Variants in PLAGL1 observed in about 807,000 individuals in gnomAD.
PLAGL1 encodes zinc finger protein PLAGL1.
In PLAGL1, 1 loss-of-function variant was observed where a neutral mutation model predicts 4.6. The ratio of observed to expected loss-of-function variants is 0.22; its 90% CI spans 0.08 to 1.03. PLAGL1 has a LOEUF of 1.03. Among genes scored for constraint, PLAGL1 ranks in the 50% least tolerant of loss-of-function variants. PLAGL1 has a pLI of 0.58. For synonymous variants in PLAGL1, 240 were observed against 237.8 expected (o/e 1.01, Z -0.08); for missense variants, 464 against 570.4 (o/e 0.81, Z 1.90).
At chr6:143,976,556 T>A (rs1286388144) in intron 2 of PLAGL1, among the ~76,000 whole-genome samples, 1 of 152,118 alleles carries the variant, frequency 6.6e-6, no homozygotes, top group Non-Finnish European at 1.5e-5. Flanking sequence ...ATACAACACA[T>A]CACTTGAAAT....
Position 143,959,563 on chromosome 6 carries a change from G to A in PLAGL1, c.-325+906C>T, listed in dbSNP as rs934872204. Among the ~76,000 whole-genome samples, 4 of 152,036 alleles carry A rather than the reference G, an allele frequency of 2.6e-5. No homozygotes were observed. The highest frequency in any genetic ancestry group is 7.3e-5 in the African/African-American group (3 of 41,372). ...ACAATATTGTATTTCAGTAGGAGTC[G>A]GAATACTATTTAATAAACTATTTCA... On this transcript the variant is annotated intron_variant, in intron 6 of 7. Transcript: ENST00000674357. The surrounding 1 kb of genome is among the most constrained non-coding windows in gnomAD (Gnocchi z 5.3).
rs1403340891 is a variant in PLAGL1 at position 143,985,158 on chromosome 6, A to G, written c.-567T>C. On this transcript the variant is annotated 5_prime_UTR_variant, in exon 2 of 8. Transcript: ENST00000674357. This position sits in a 1 kb window ranked among gnomAD's most constrained non-coding sequence, Gnocchi z 4.4. Reference sequence around the variant, plus strand: ...ACAAAAGCCAATCACGATGTTTATGAATCAGGCAGGAACAATCTGCAAACA... The same window carrying G: ...ACAAAAGCCAATCACGATGTTTATGGATCAGGCAGGAACAATCTGCAAACA... 1 of 152,218 alleles carries G rather than the reference A, an allele frequency of 6.6e-6. No homozygotes were observed. The highest frequency in any genetic ancestry group is 1.5e-5 in the Non-Finnish European group (1 of 68,024). 9.4% of individuals were successfully genotyped at this position (152,218 alleles called of 1,614,324 possible).
At position 143,995,386 on chromosome 6, in the gene PLAGL1, G is replaced by T. The variant is rs12525433; in HGVS notation, c.-583-10212C>A. Among the ~76,000 whole-genome samples the T allele has an allele frequency of 0.13, 19,409 of 152,020 alleles. 1,415 individuals are homozygous for T. The highest frequency in any genetic ancestry group is 0.16 in the Non-Finnish European group (10,752 of 67,954). On this transcript the variant is annotated intron_variant, in intron 1 of 7. Coordinates refer to ENST00000674357, the MANE Select transcript of PLAGL1 (RefSeq NM_001317162.2). The surrounding 1 kb of genome is among the most constrained non-coding windows in gnomAD (Gnocchi z 4.4). ...GTTTTGTTGTTATGGTTTTTTGGGGGTTTTTTTGCTTTGCTTTGGAAAGGG... is the reference window on the plus strand; with the variant it reads ...GTTTTGTTGTTATGGTTTTTTGGGGTTTTTTTTGCTTTGCTTTGGAAAGGG...
intron 1 of PLAGL1, among the ~76,000 whole-genome samples, chr6:143,998,523 T>A (rs1254303466): frequency 1.3e-5 from 2 of 152,232 alleles, no homozygotes; most frequent in East Asian, 3.8e-4. Context: ...AGCACAATTA[T>A]AGTAGGTACT....
At position 144,005,836 on chromosome 6, in the gene PLAGL1, T is replaced by C. The variant is rs1361174511; in HGVS notation, c.-584+2254A>G. 1 of 151,932 alleles carries C rather than the reference T, an allele frequency of 6.6e-6. No homozygotes were observed. The highest frequency in any genetic ancestry group is 1.5e-5 in the Non-Finnish European group (1 of 67,938). The allele number at this position is 151,932 out of a possible 1,614,324, so 9.4% of individuals were successfully genotyped here. A position where few individuals can be genotyped will look rare whatever the true frequency, so the allele number is the denominator to read the frequency against. ...ATATGAGGCTATTGAGCACTAAAAA[T>C]GTGGCCTGAAAGAACTGAGGAACAG... On this transcript the variant is annotated intron_variant, in intron 1 of 7. Coordinates refer to ENST00000674357, the MANE Select transcript of PLAGL1 (RefSeq NM_001317162.2). This position sits in a 1 kb window ranked among gnomAD's most constrained non-coding sequence, Gnocchi z 4.6.
chr6:143,944,302 G>C (rs1040042560), intron 7 of PLAGL1, among the ~76,000 whole-genome samples: 5 of 152,110 alleles, frequency 3.3e-5, no homozygotes, highest in African/African-American at 1.2e-4. Context: ...GCCAGAATTG[G>C]GGAGGGGTCT....
At position 143,949,687 on chromosome 6, in the gene PLAGL1, C is replaced by T. The variant is rs1178572613; in HGVS notation, c.-324-1227G>A. ...GAGTACTGTATGCTTAGGTGAAGTA[C>T]ACTTGAGTAGCTTTTGTCCACAGGC... On this transcript the variant is annotated intron_variant, in intron 6 of 7. Transcript: ENST00000674357. The surrounding 1 kb of genome is among the most constrained non-coding windows in gnomAD (Gnocchi z 5.3). 6.6e-6 allele frequency among the ~76,000 whole-genome samples: 1 copy of T among 152,152 alleles called. No homozygotes were observed. The highest frequency in any genetic ancestry group is 1.5e-5 in the Non-Finnish European group (1 of 68,040).
Position 143,977,667 on chromosome 6 carries a change from T to C in PLAGL1, c.-544+7468A>G, listed in dbSNP as rs145708501. Among the ~76,000 whole-genome samples the C allele has an allele frequency of 7.4e-3, 1,119 of 151,884 alleles. 8 individuals are homozygous for C. The highest frequency in any genetic ancestry group is 0.012 in the Non-Finnish European group (833 of 67,918). ...GGCGCCCACCATCATGCCAGGCTAA[T>C]TTTTGTATTTTTAGTAGAGACACAG... On this transcript the variant is annotated intron_variant, in intron 2 of 7. Transcript: ENST00000674357.
rs962210395 is a variant in PLAGL1, at chr6:144,016,207, G to C, written c.-150-47229C>G. ...CAATAGGCTGTCTGCAAGCTGAGGA[G>C]AAAGGAGAGCCAGTCCGAGTCCCAA... On this transcript the variant is annotated intron_variant, in intron 1 of 3. Coordinates refer to the PLAGL1 transcript ENST00000437412. The surrounding 1 kb of genome is among the most constrained non-coding windows in gnomAD (Gnocchi z 4.2). 6.6e-6 allele frequency among the ~76,000 whole-genome samples: 1 copy of C among 152,146 alleles called. No individual in the cohort carries two copies. Among genetic ancestry groups the C allele is most frequent in the East Asian group, 1.9e-4 (1 of 5,190 alleles).
intron 1 of PLAGL1, among the ~76,000 whole-genome samples, chr6:143,993,027 G>A (rs912721929): frequency 6.0e-5 from 9 of 149,858 alleles, no homozygotes; most frequent in African/African-American, 2.2e-4. Flanking sequence ...AACAGAAAAC[G>A]GCCGGGTGCG....
intron 1 of PLAGL1, among the ~76,000 whole-genome samples, chr6:144,024,317 T>G (rs1030480192): frequency 6.6e-6 from 1 of 152,160 alleles, no homozygotes; most frequent in Admixed American, 6.5e-5. Context: ...ATACAAGATG[T>G]ACCTTGATGA....
chr6:143,987,051 C>T (rs1045303116), intron 1 of PLAGL1, among the ~76,000 whole-genome samples: 9 of 152,014 alleles, frequency 5.9e-5, no homozygotes, highest in African/African-American at 1.4e-4. Flanking sequence ...TTCATTACTT[C>T]GTTAACACTG....
chr6:144,045,416 A>C (rs1207653749), intron 1 of PLAGL1, among the ~76,000 whole-genome samples: 1 of 152,132 alleles, frequency 6.6e-6, no homozygotes, highest in Non-Finnish European at 1.5e-5. Flanking sequence ...CTTGTCTGTA[A>C]AGGATTTTAT....
At chr6:144,031,388 T>C (rs549162257) in intron 1 of PLAGL1, among the ~76,000 whole-genome samples, 1 of 152,330 alleles carries the variant, frequency 6.6e-6, no homozygotes, top group South Asian at 2.1e-4. Context: ...TTTTTGTTGC[T>C]TTTGCTCTTG....
At position 143,964,364 on chromosome 6, in the gene PLAGL1, G is replaced by C. The variant is rs1365803911; in HGVS notation, c.-399+423C>G. ...AGGCCATGAAAATCTCCAGGTCCTAGGACACACTCCATGGGGGAAGGGGAA... is the reference window on the plus strand; with the variant it reads ...AGGCCATGAAAATCTCCAGGTCCTACGACACACTCCATGGGGGAAGGGGAA... On this transcript the variant is annotated intron_variant, in intron 5 of 7. Coordinates refer to ENST00000674357, the MANE Select transcript of PLAGL1 (RefSeq NM_001317162.2). The surrounding 1 kb of genome is among the most constrained non-coding windows in gnomAD (Gnocchi z 4.3). Among the ~76,000 whole-genome samples, 1 of 152,142 alleles carries C rather than the reference G, an allele frequency of 6.6e-6. No homozygotes were observed. The highest frequency in any genetic ancestry group is 1.5e-5 in the Non-Finnish European group (1 of 68,036).
In PLAGL1 at chr6:143,975,394, C is replaced by G. The variant is rs76773972; in HGVS notation, c.-543-6416G>C. Reference sequence around the variant, plus strand: ...TAAGCAATTAACAATATTTTTGGAACCTTAGTTTCCCTATTTGTAAAAGAG... The same window carrying G: ...TAAGCAATTAACAATATTTTTGGAAGCTTAGTTTCCCTATTTGTAAAAGAG... On this transcript the variant is annotated intron_variant, in intron 2 of 7. Transcript: ENST00000674357. This position sits in a 1 kb window ranked among gnomAD's most constrained non-coding sequence, Gnocchi z 5.8. 1.3e-5 allele frequency among the ~76,000 whole-genome samples: 2 copies of G among 151,990 alleles called. No homozygotes were observed. Among genetic ancestry groups the G allele is most frequent in the South Asian group, 4.1e-4 (2 of 4,828 alleles).
At position 144,056,509 on chromosome 6, in the gene PLAGL1, G is replaced by A. The variant is rs1202830122; in HGVS notation, c.-151+7959C>T. On this transcript the variant is annotated intron_variant, in intron 1 of 3. Coordinates refer to the PLAGL1 transcript ENST00000437412. This position sits in a 1 kb window ranked among gnomAD's most constrained non-coding sequence, Gnocchi z 4.7. ...TCTATTTAACCCTCTTTCACCCCTAGCCCTTGACAGCCACTGATCTTTTTA... is the reference window on the plus strand; with the variant it reads ...TCTATTTAACCCTCTTTCACCCCTAACCCTTGACAGCCACTGATCTTTTTA... 6.6e-6 allele frequency among the ~76,000 whole-genome samples: 1 copy of A among 152,106 alleles called. No homozygotes were observed. The highest frequency in any genetic ancestry group is 1.5e-5 in the Non-Finnish European group (1 of 68,014).
intron 7 of PLAGL1, among the ~76,000 whole-genome samples, chr6:143,944,136 T>G (rs1394980866): frequency 1.3e-5 from 2 of 152,236 alleles, no homozygotes; most frequent in Non-Finnish European, 2.9e-5. Flanking sequence ...TTGTACCCTG[T>G]GAGCTTTCAC....
rs972209995 is a variant in PLAGL1, at chr6:143,964,255, G to A, written c.-399+532C>T. 6.6e-6 allele frequency among the ~76,000 whole-genome samples: 1 copy of A among 152,142 alleles called. No homozygotes were observed. The highest frequency in any genetic ancestry group is 1.5e-5 in the Non-Finnish European group (1 of 68,038). ...CAGGAGGTTTCCAGCCCTCACTGGC[G>A]GCCCTGGGGCAGACAGCTACAAGGA... On this transcript the variant is annotated intron_variant, in intron 5 of 7. Transcript: ENST00000674357. The surrounding 1 kb of genome is among the most constrained non-coding windows in gnomAD (Gnocchi z 4.3).
Sources: allele counts gnomAD v4.1 joint callset (sites outside exome capture counted in the v4.1 genomes callset), GRCh38; gene constraint gnomAD v4.1.1; non-coding constraint Gnocchi (gnomAD v3.1); transcripts MANE v1.5; gene names NCBI Gene and HGNC (gene_info 2026-07-23, HGNC 2026-07-21).